Variants in RNF38 observed in about 807,000 individuals in gnomAD.
RNF38 encodes the protein ring finger protein 38, also known as E3 ubiquitin-protein ligase RNF38.
In RNF38, 15 loss-of-function variants were observed where a neutral mutation model predicts 67.2. The ratio of observed to expected loss-of-function variants is 0.22; its 90% CI spans 0.15 to 0.34. The LOEUF (loss-of-function observed/expected upper bound fraction) is 0.34, where lower values mean the gene tolerates loss of function less well. RNF38 is among the 10% of genes least tolerant of loss of function. RNF38 has a pLI of 1.00. For synonymous variants in RNF38, 220 were observed against 218.8 expected, an observed-to-expected ratio of 1.01 and a Z score of -0.05; for missense variants, 524 against 639.9, an observed-to-expected ratio of 0.82 and a Z score of 1.95.
upstream of RNF38, among the ~76,000 whole-genome samples, chr9:36,402,221 TTAGGTC>T (rs1838061985): frequency 2.0e-5 from 3 of 152,164 alleles, no homozygotes; most frequent in Admixed American, 2.0e-4. Context: ...GAAAGAGGTA[TTAGGTC>T]CCTATGAACA....
intron 1 of RNF38, among the ~76,000 whole-genome samples, chr9:36,476,284 A>G (rs566284704): frequency 1.1e-4 from 17 of 151,900 alleles, no homozygotes; most frequent in African/African-American, 3.9e-4. Flanking sequence ...ATGCCTGGCT[A>G]ATTTTTGTAT....
intron 1 of RNF38, 74 bp from the exon 2 acceptor site, chr9:36,390,690 A>G (rs2134016780): frequency 1.4e-6 from 2 of 1,437,014 alleles, no homozygotes; most frequent in Non-Finnish European, 1.9e-6. Flanking sequence ...TATGAAGGAT[A>G]GTCTGGATTT....
chr9:36,400,041 A>C, intron 1 of RNF38, 56 bp downstream of exon 1: 2 of 1,529,424 alleles, frequency 1.3e-6, no homozygotes, highest in Non-Finnish European at 1.8e-6. Context: ...AGCATACCCA[A>C]CTTTTACTGA....
Position 36,353,360 on chromosome 9 carries a change from A to ATG in RNF38, c.910-31_910-30dup, listed in dbSNP as rs760152316. On this transcript the variant is annotated intron_variant, in intron 6 of 11. Coordinates refer to ENST00000259605, the MANE Select transcript of RNF38 (RefSeq NM_022781.5). ...AGGAGGGGGAAAAAAAAACACATAT[A>ATG]TGTATATATATATATACTTCCTGTG... is the stretch of plus-strand genomic sequence containing the variant. The ATG allele has an allele frequency of 4.2e-6, 6 of 1,414,658 alleles. No homozygotes were observed. The African/African-American group carries it at 4.4e-5, about 10-fold the overall frequency. 87.6% of individuals were successfully genotyped at this position (1,414,658 alleles called of 1,614,324 possible).
chr9:36,447,679 C>T (rs1195247934), intron 1 of RNF38, among the ~76,000 whole-genome samples: 1 of 152,044 alleles, frequency 6.6e-6, no homozygotes, highest in Non-Finnish European at 1.5e-5. Context: ...TCTTAGGATA[C>T]TTGGTACAGT....
At chr9:36,353,798 A>T (rs978121913) in intron 6 of RNF38, among the ~76,000 whole-genome samples, 1 of 152,244 alleles carries the variant, frequency 6.6e-6, no homozygotes, top group Non-Finnish European at 1.5e-5. Context: ...GTGCAGAAAG[A>T]TTATGGGCTT....
At chr9:36,429,149 T>C (rs1196710779) in intron 1 of RNF38, among the ~76,000 whole-genome samples, 1 of 152,212 alleles carries the variant, frequency 6.6e-6, no homozygotes, top group Non-Finnish European at 1.5e-5. Flanking sequence ...GCTCTAACTT[T>C]TAAATAAATT....
At chr9:36,434,477 C>G (rs758487113) in intron 1 of RNF38, among the ~76,000 whole-genome samples, 1 of 152,092 alleles carries the variant, frequency 6.6e-6, no homozygotes, top group Non-Finnish European at 1.5e-5. Flanking sequence ...CTCCGCCTCC[C>G]GGGTTCAAGC....
intron 1 of RNF38, among the ~76,000 whole-genome samples, chr9:36,459,955 T>A (rs1211167645): frequency 6.6e-6 from 1 of 151,960 alleles, no homozygotes; most frequent in Non-Finnish European, 1.5e-5. Flanking sequence ...TGCTATCCAA[T>A]ACTATAAGAG....
intron 1 of RNF38, among the ~76,000 whole-genome samples, chr9:36,455,020 T>A (rs1394625094): frequency 6.6e-6 from 1 of 152,170 alleles, no homozygotes; most frequent in African/African-American, 2.4e-5. Context: ...CCCATGCGTA[T>A]AAAGAAACAA....
chr9:36,442,823 A>G (rs1370806749), intron 1 of RNF38, among the ~76,000 whole-genome samples: 1 of 152,202 alleles, frequency 6.6e-6, no homozygotes, highest in African/African-American at 2.4e-5. Flanking sequence ...CTCACCCAAT[A>G]ACAGTAGCAG....
At chr9:36,454,955 C>CA (rs1384440757) in intron 1 of RNF38, among the ~76,000 whole-genome samples, 3 of 152,098 alleles carry the variant, frequency 2.0e-5, no homozygotes, top group African/African-American at 7.2e-5. Flanking sequence ...GTGTTGTATC[C>CA]AACTAAACTT....
intron 1 of RNF38, among the ~76,000 whole-genome samples, chr9:36,476,881 T>G (rs1024669212): frequency 6.6e-6 from 1 of 152,004 alleles, no homozygotes; most frequent in African/African-American, 2.4e-5. Context: ...CTCCAAGTAA[T>G]TAGAGGAAAG....
At chr9:36,372,356 T>A in intron 3 of RNF38, 2 of 558,860 alleles carry the variant, frequency 3.6e-6, no homozygotes, top group East Asian at 5.7e-5. Context: ...CGATCTTGCT[T>A]GTTCTATTGT....
Position 36,423,937 on chromosome 9 carries a change from A to C in RNF38, n.312+676T>G, listed in dbSNP as rs1179057731. The stretch of plus-strand genomic sequence containing the variant: ...GCACTCCAGCCTGGGCGACAGAGCG[A>C]GACTCCGTCTCAAAAAAAAAAAAAA... On this transcript the variant is annotated intron_variant and non_coding_transcript_variant, in intron 2 of 3. Coordinates refer to the RNF38 transcript ENST00000488058. Among the ~76,000 whole-genome samples the C allele has an allele frequency of 1.4e-4, 3 of 21,936 alleles. 1 individual carries two copies. Among genetic ancestry groups the C allele is most frequent in the Non-Finnish European group, 2.5e-4 (2 of 7,908 alleles). The allele number at this position is 21,936 out of a possible 152,430, so 14.4% of individuals were successfully genotyped here.
At position 36,363,375 on chromosome 9, in the gene RNF38, G is replaced by T. The variant is rs1460709598; in HGVS notation, c.571-5433C>A. Among the ~76,000 whole-genome samples the T allele has an allele frequency of 2.0e-5, 2 of 100,820 alleles. 1 individual carries two copies. Among genetic ancestry groups the T allele is most frequent in the Non-Finnish European group, 5.2e-5 (2 of 38,716 alleles). The allele number at this position is 100,820 out of a possible 152,430, so 66.1% of individuals were successfully genotyped here. On this transcript the variant is annotated intron_variant, in intron 4 of 11. Transcript: ENST00000259605. ...ATGGAATTGCTGGATTACTGGGTAG[G>T]TGTATGTTTGACATGATTAGAAACT...
chr9:36,344,846 C>G lies in RNF38; in HGVS notation c.1371G>C (p.Gln457His). 2 of 1,613,806 alleles carry G rather than the reference C, an allele frequency of 1.2e-6. No homozygotes were observed. The highest frequency in any genetic ancestry group is 2.2e-5 in the South Asian group (2 of 91,056). ...AATTTACTTACAAAGTCTGTTCTGA[C>G]TGGTGGTTGTTAGGATTGAACCGAT... is the stretch of plus-strand genomic sequence containing the variant. Reference protein sequence around the residue: ...PSYRFNPNNHQSEQTLCVVCM... With the variant: ...PSYRFNPNNHHSEQTLCVVCM... Residue 457 changes from glutamine to histidine, a missense_variant, in exon 10 of 12, where the codon CAG becomes CAC. This residue lies in a region of RNF38 where 63 missense variants were observed against 122.5 expected (regional missense o/e 0.51). Coordinates refer to ENST00000259605, the MANE Select transcript of RNF38 (RefSeq NM_022781.5).
intron 1 of RNF38, among the ~76,000 whole-genome samples, chr9:36,392,752 G>A (rs1419002067): frequency 6.6e-6 from 1 of 152,092 alleles, no homozygotes; most frequent in Admixed American, 6.6e-5. Context: ...TCAACATGGT[G>A]AGACAATTTC....
chr9:36,447,991 C>T (rs1366784855), intron 1 of RNF38, among the ~76,000 whole-genome samples: 1 of 152,240 alleles, frequency 6.6e-6, no homozygotes, highest in Non-Finnish European at 1.5e-5. Flanking sequence ...CAATTCATCA[C>T]TGTAATATTG....
Sources: allele counts gnomAD v4.1 joint callset (sites outside exome capture counted in the v4.1 genomes callset), GRCh38; gene constraint gnomAD v4.1.1; regional missense constraint gnomAD v4.1.1; transcripts MANE v1.5; gene names NCBI Gene and HGNC (gene_info 2026-07-23, HGNC 2026-07-21).